Variants in ALDH2 observed in about 807,000 individuals in gnomAD.
The protein encoded by ALDH2 is aldehyde dehydrogenase, mitochondrial.
ALDH2 carries 44 observed loss-of-function variants against 59.6 expected under a neutral mutation model. The observed-to-expected ratio is 0.74, with a 90% CI of 0.58 to 0.95. The LOEUF (loss-of-function observed/expected upper bound fraction) is 0.95. Ranked by LOEUF, ALDH2 falls within the 40% of genes least tolerant of loss-of-function variation. ALDH2 has a pLI of 0.00. For missense variants in ALDH2, 570 were observed against 696.3 expected (o/e 0.82, Z 2.04); for synonymous variants, 291 against 284.0 (o/e 1.02, Z -0.25).
intron 9 of ALDH2, among the ~76,000 whole-genome samples, chr12:111,797,325 C>T (rs1208130338): frequency 6.6e-6 from 1 of 152,142 alleles, no homozygotes; most frequent in Admixed American, 6.6e-5. Flanking sequence ...ACTGGATGCA[C>T]CGTAATAATT....
intron 12 of ALDH2, 76 bp from the exon 13 acceptor site, chr12:111,809,467 G>T (rs1173711818): frequency 3.3e-6 from 5 of 1,529,740 alleles, no homozygotes; most frequent in Non-Finnish European, 4.5e-6. Flanking sequence ...CTCACACTTA[G>T]TCAGCTCCTA....
intron 1 of ALDH2, among the ~76,000 whole-genome samples, chr12:111,779,845 C>G (rs1303599139): frequency 1.3e-5 from 2 of 152,226 alleles, no homozygotes; most frequent in Non-Finnish European, 2.9e-5. Context: ...AAGACCATCG[C>G]CCAGTGCCTG....
At chr12:111,775,247 A>G (rs56077984) in intron 1 of ALDH2, among the ~76,000 whole-genome samples, 2,364 of 152,230 alleles carry the variant, frequency 0.016, 72 homozygotes, top group African/African-American at 0.054. Context: ...GGCACACAGC[A>G]GGTAGAATCG....
rs1250687342 is a variant in ALDH2, at chr12:111,812,532, G to A, written c.*2957G>A. ...AGCTTAACCCTCATCTCATTATATA[G>A]GATGATATTACTTCTAGGAAGATTT... On this transcript the variant is annotated 3_prime_UTR_variant, in exon 13 of 13. Transcript: ENST00000261733. The A allele has an allele frequency of 6.6e-6, 1 of 152,006 alleles. No individual in the cohort carries two copies. The highest frequency in any genetic ancestry group is 1.5e-5 in the Non-Finnish European group (1 of 68,024). The allele number at this position is 152,006 out of a possible 1,614,324, so 9.4% of individuals were successfully genotyped here.
At chr12:111,773,964 T>A (rs1301250963) in intron 1 of ALDH2, among the ~76,000 whole-genome samples, 1 of 152,178 alleles carries the variant, frequency 6.6e-6, no homozygotes, top group Non-Finnish European at 1.5e-5. Context: ...AGGACCTTAT[T>A]GCAAAGTATT....
chr12:111,813,933 T>TA lies in ALDH2; in HGVS notation c.*4363dup, dbSNP rs1388963584. The stretch of plus-strand genomic sequence containing the variant: ...ACTAAATGCAACCAAATTGCTCACT[T>TA]AAAAACAACAAATTCAGGCCAGGTG... On this transcript the variant is annotated 3_prime_UTR_variant, in exon 13 of 13. Transcript: ENST00000261733. 1 of 152,190 alleles carries TA rather than the reference T, an allele frequency of 6.6e-6. No individual in the cohort carries two copies. Among genetic ancestry groups the TA allele is most frequent in the African/African-American group, 2.4e-5 (1 of 41,424 alleles). The allele number at this position is 152,190 out of a possible 1,614,324, so 9.4% of individuals were successfully genotyped here. A position where few individuals can be genotyped will look rare whatever the true frequency, so the allele number is the denominator to read the frequency against.
intron 10 of ALDH2, among the ~76,000 whole-genome samples, chr12:111,798,772 C>T (rs560261267): frequency 6.6e-6 from 1 of 152,012 alleles, no homozygotes; most frequent in South Asian, 2.1e-4. Context: ...TTTGGGAGGC[C>T]GAAGTGGGTG....
rs2068565023 is a variant in ALDH2 at position 111,815,675 on chromosome 12, G to C, written c.*6100G>C. On this transcript the variant is annotated 3_prime_UTR_variant, in exon 13 of 13. Transcript: ENST00000261733. Reference sequence around the variant, plus strand: ...TTTTTTGTAGAGATGGGGTCTCACTGTGTTGTTTAGGCTGGTCTTGAACTT... The same window carrying C: ...TTTTTTGTAGAGATGGGGTCTCACTCTGTTGTTTAGGCTGGTCTTGAACTT... 2 of 151,988 alleles carry C rather than the reference G, an allele frequency of 1.3e-5. No individual in the cohort carries two copies. Among genetic ancestry groups the C allele is most frequent in the African/African-American group, 2.4e-5 (1 of 41,324 alleles). The allele number at this position is 151,988 out of a possible 1,614,324, so 9.4% of individuals were successfully genotyped here.
chr12:111,817,270 A>C lies in ALDH2; in HGVS notation c.*7695A>C, dbSNP rs1192093647. On this transcript the variant is annotated 3_prime_UTR_variant, in exon 13 of 13. Coordinates refer to ENST00000261733, the MANE Select transcript of ALDH2 (RefSeq NM_000690.4). ...ATCATGCCTAAGGCTCTATGGGCAC[A>C]ATGAGTAAGTTGAGTTAGAAGATGT... The C allele has an allele frequency of 2.0e-5, 3 of 152,222 alleles. No homozygotes were observed. Among genetic ancestry groups the C allele is most frequent in the Non-Finnish European group, 4.4e-5 (3 of 68,040 alleles). The allele number at this position is 152,222 out of a possible 1,614,324, so 9.4% of individuals were successfully genotyped here.
intron 12 of ALDH2, among the ~76,000 whole-genome samples, chr12:111,808,251 TG>T (rs1327505236): frequency 1.1e-4 from 16 of 152,134 alleles, no homozygotes; most frequent in African/African-American, 3.9e-4. Flanking sequence ...ATCTAGGGCA[TG>T]GGGAATGGGT....
At position 111,799,722 on chromosome 12, in the gene ALDH2, G is replaced by T. The variant is rs1360145651; in HGVS notation, c.1249-184G>T. ...GCCCGGGGCGCACAGGAGGAAGTTG[G>T]CCCCTGTTAGCTCCATTCCCTCTGT... is the stretch of plus-strand genomic sequence containing the variant. On this transcript the variant is annotated intron_variant, in intron 10 of 12. Coordinates refer to ENST00000261733, the MANE Select transcript of ALDH2 (RefSeq NM_000690.4). 4.1e-5 allele frequency: 25 copies of T among 608,004 alleles called. 1 individual carries two copies. 37.7% of individuals were successfully genotyped at this position (608,004 alleles called of 1,614,324 possible). A position where few individuals can be genotyped will look rare whatever the true frequency, so the allele number is the denominator to read the frequency against.
At position 111,767,108 on chromosome 12, in the gene ALDH2, G is replaced by A. The variant is rs935077195; in HGVS notation, c.114+12G>A. The A allele has an allele frequency of 2.7e-6, 4 of 1,474,778 alleles. No homozygotes were observed. Among genetic ancestry groups the A allele is most frequent in the Non-Finnish European group, 3.6e-6 (4 of 1,120,284 alleles). 91.4% of individuals were successfully genotyped at this position (1,474,778 alleles called of 1,614,324 possible). A position where few individuals can be genotyped will look rare whatever the true frequency, so the allele number is the denominator to read the frequency against. ...TCTTCTGCAACCAGGTGAGCCCACCGGCCGGGCTCGCGCTTTGTTTTCCGG... is the reference window on the plus strand; with the variant it reads ...TCTTCTGCAACCAGGTGAGCCCACCAGCCGGGCTCGCGCTTTGTTTTCCGG... On this transcript the variant is annotated intron_variant, in intron 1 of 12. Transcript: ENST00000261733.
rs753950610 is a variant in ALDH2, at chr12:111,817,204, C to T, written c.*7629C>T. The T allele has an allele frequency of 1.6e-4, 25 of 152,134 alleles. No homozygotes were observed. Among genetic ancestry groups the T allele is most frequent in the African/African-American group, 2.2e-4 (9 of 41,418 alleles). The allele number at this position is 152,134 out of a possible 1,614,324, so 9.4% of individuals were successfully genotyped here. ...TGCAAAGCTACAGAGGACATCACAA[C>T]GGAAGTTATTAATGTGACCAAGGAA... is the stretch of plus-strand genomic sequence containing the variant. On this transcript the variant is annotated 3_prime_UTR_variant, in exon 13 of 13. Transcript: ENST00000261733.
chr12:111,789,415 C>A (rs1482343394), intron 4 of ALDH2, among the ~76,000 whole-genome samples: 2 of 150,076 alleles, frequency 1.3e-5, no homozygotes, highest in Non-Finnish European at 3.0e-5. Flanking sequence ...TCGCTTGAAC[C>A]TGGGGGGCCG....
In ALDH2 at chr12:111,813,258, G is replaced by C. The variant is rs1399673636; in HGVS notation, c.*3683G>C. On this transcript the variant is annotated 3_prime_UTR_variant, in exon 13 of 13. Coordinates refer to ENST00000261733, the MANE Select transcript of ALDH2 (RefSeq NM_000690.4). The stretch of plus-strand genomic sequence containing the variant: ...TAGAGCCTCCACTTGTGGCTGCACA[G>C]AGGGCACAGAGAGCTTTTCCTTCAG... 1.3e-5 allele frequency: 2 copies of C among 152,214 alleles called. No homozygotes were observed. Among genetic ancestry groups the C allele is most frequent in the Non-Finnish European group, 2.9e-5 (2 of 68,042 alleles). 9.4% of individuals were successfully genotyped at this position (152,214 alleles called of 1,614,324 possible). A position where few individuals can be genotyped will look rare whatever the true frequency, so the allele number is the denominator to read the frequency against.
chr12:111,791,249 T>C (rs893438603), intron 6 of ALDH2, 57 bp from the exon 7 acceptor site: 2 of 1,330,564 alleles, frequency 1.5e-6, no homozygotes, highest in African/African-American at 2.9e-5. Context: ...CTTCCCCTGG[T>C]TGAGCCCTTC....
At chr12:111,769,420 AAAAT>A (rs1211251088) in intron 1 of ALDH2, among the ~76,000 whole-genome samples, 2 of 152,220 alleles carry the variant, frequency 1.3e-5, no homozygotes, top group African/African-American at 4.8e-5. Context: ...CATCTCTTAA[AAAAT>A]AAATAAATAA....
chr12:111,792,008 G>A (rs996067151), intron 7 of ALDH2, 53 bp from the exon 8 acceptor site: 9 of 1,157,240 alleles, frequency 7.8e-6, no homozygotes, highest in Non-Finnish European at 7.8e-6. Flanking sequence ...ATAGAGTGCT[G>A]GACTCTTTTC....
chr12:111,786,735 G>A (rs796803253), intron 4 of ALDH2, among the ~76,000 whole-genome samples: 22 of 151,806 alleles, frequency 1.4e-4, no homozygotes, highest in African/African-American at 5.1e-4. Flanking sequence ...TTGTAGAGAC[G>A]GGGGTCTTGC....
Sources: gnomAD v4.1 joint callset for allele counts (sites outside exome capture counted in the v4.1 genomes callset) on GRCh38, gnomAD v4.1.1 for gene constraint, MANE v1.5 for transcripts, NCBI Gene and HGNC (gene_info 2026-07-23, HGNC 2026-07-21) for gene names.